The following PDE5A variants were observed in gnomAD, a reference collection of about 807,000 sequenced individuals.
PDE5A encodes cGMP-specific 3',5'-cyclic phosphodiesterase.
A neutral mutation model predicts 110.2 loss-of-function variants in PDE5A; 67 were observed. The ratio of observed to expected loss-of-function variants is 0.61; its 90% CI spans 0.50 to 0.75. PDE5A has a LOEUF of 0.75. Among genes scored for constraint, PDE5A ranks in the 30% least tolerant of loss-of-function variants. PDE5A has a pLI of 0.00. For synonymous variants in PDE5A, 328 were observed against 351.2 expected, an observed-to-expected ratio of 0.93 and a Z score of 0.74; for missense variants, 862 against 1,045.1, an observed-to-expected ratio of 0.82 and a Z score of 2.42.
chr4:119,556,314 T>C (rs75603231), intron 7 of PDE5A, among the ~76,000 whole-genome samples: 4,335 of 152,270 alleles, frequency 0.028, 89 homozygotes, highest in South Asian at 0.067. Flanking sequence ...AGACAGGTGA[T>C]ACATGCTGTC....
Position 119,525,604 on chromosome 4 carries a change from G to A in PDE5A, c.1724C>T (p.Thr575Ile). ...GTTGAGGTCAGTAAACATCCGAATT[G>A]TACACAGTGCTGTTTCCAGATCAGA... ...ELSDLETALC[T>I]IRMFTDLNLV... Residue 575 changes from threonine to isoleucine, a missense_variant, in exon 12 of 21, where the codon ACA (threonine) becomes ATA (isoleucine). By Grantham distance (89) the Thr-to-Ile change is moderately conservative. Transcript: ENST00000354960. The surrounding 1 kb of genome is among the most constrained non-coding windows in gnomAD (Gnocchi z 4.3). 3 of 1,613,180 alleles carry A rather than the reference G, an allele frequency of 1.9e-6. No homozygotes were observed. The highest frequency in any genetic ancestry group is 2.5e-6 in the Non-Finnish European group (3 of 1,179,454).
At chr4:119,621,022 C>T (rs1014047423) in intron 1 of PDE5A, among the ~76,000 whole-genome samples, 3 of 152,114 alleles carry the variant, frequency 2.0e-5, no homozygotes, top group Non-Finnish European at 2.9e-5. Context: ...TTAATGAATG[C>T]TGTAAATCTG....
chr4:119,500,029 T>C (rs939782523), intron 20 of PDE5A: 3 of 152,104 alleles, frequency 2.0e-5, no homozygotes, highest in Non-Finnish European at 2.9e-5. Context: ...ATTACTATGT[T>C]GACTGTATTT....
chr4:119,502,015 A>C (rs1332468796), intron 19 of PDE5A, among the ~76,000 whole-genome samples: 1 of 152,160 alleles, frequency 6.6e-6, no homozygotes, highest in African/African-American at 2.4e-5. Flanking sequence ...ACAAAGGAGT[A>C]AACAAGTAGA....
intron 15 of PDE5A, among the ~76,000 whole-genome samples, chr4:119,509,646 C>G (rs1234256720): frequency 2.0e-5 from 3 of 151,962 alleles, no homozygotes; most frequent in South Asian, 4.1e-4. Flanking sequence ...TATACTGATA[C>G]CATTCTTCTA....
rs199588847 is a variant in PDE5A at position 119,497,213 on chromosome 4, C to A, written c.*1388G>T. 2 of 152,042 alleles carry A rather than the reference C, an allele frequency of 1.3e-5. No individual in the cohort carries two copies. The highest frequency in any genetic ancestry group is 2.9e-5 in the Non-Finnish European group (2 of 67,980). The allele number at this position is 152,042 out of a possible 1,614,324, so 9.4% of individuals were successfully genotyped here. ...TGGAGGTAGAAGTTAACAAATCAAGCAAATCTCTCCTTCTACTCTCCCCAA... is the reference window on the plus strand; with the variant it reads ...TGGAGGTAGAAGTTAACAAATCAAGAAAATCTCTCCTTCTACTCTCCCCAA... On this transcript the variant is annotated 3_prime_UTR_variant, in exon 21 of 21. Transcript: ENST00000354960.
chr4:119,538,107 T>A (rs1287681421), intron 11 of PDE5A, among the ~76,000 whole-genome samples: 1 of 152,110 alleles, frequency 6.6e-6, no homozygotes, highest in Non-Finnish European at 1.5e-5. Context: ...GGCAGTGACC[T>A]TGAGCAAGTC....
At chr4:119,585,323 T>C (rs937833532) in intron 3 of PDE5A, among the ~76,000 whole-genome samples, 16 of 151,686 alleles carry the variant, frequency 1.1e-4, no homozygotes, top group Non-Finnish European at 2.2e-4. Flanking sequence ...TTTGCCACCA[T>C]ACAAAGAGGC....
intron 11 of PDE5A, among the ~76,000 whole-genome samples, chr4:119,538,112 C>T (rs1212826833): frequency 6.6e-6 from 1 of 152,034 alleles, no homozygotes; most frequent in African/African-American, 2.4e-5. Flanking sequence ...TGACCTTGAG[C>T]AAGTCACTGG....
At chr4:119,600,434 C>T (rs1185976269) in intron 2 of PDE5A, among the ~76,000 whole-genome samples, 1 of 152,020 alleles carries the variant, frequency 6.6e-6, no homozygotes, top group Non-Finnish European at 1.5e-5. Flanking sequence ...ACAATAAGCA[C>T]ATCTAGTGCC....
rs201601701 is a variant in PDE5A, at chr4:119,505,961, T to C, written c.2190-29A>G. The C allele has an allele frequency of 3.5e-4, 454 of 1,284,072 alleles. 3 individuals carry two copies. Among genetic ancestry groups the C allele is most frequent in the Non-Finnish European group, 6.2e-5 (56 of 908,852 alleles). The allele number at this position is 1,284,072 out of a possible 1,614,324, so 79.5% of individuals were successfully genotyped here. On this transcript the variant is annotated intron_variant, in intron 16 of 20. Transcript: ENST00000354960. ...CAATGTTTAAAAAAAAATTGTTAGT[T>C]ATAATGAGTACCCAGGGTCTTATCC...
In PDE5A at chr4:119,567,091, A is replaced by G. The variant is rs1211283165; in HGVS notation, c.885T>C (p.Phe295=). The change falls in exon 4 of 21, where the codon TTT becomes TTC. Residue 295 remains phenylalanine (F), a synonymous_variant. Coordinates refer to ENST00000354960, the MANE Select transcript of PDE5A (RefSeq NM_001083.4). ...TTGGTACCTTTTCATCTTTTTCAGT[A>G]AATGTCCCACCGTTTCCTGATTTCT... ...INKKSGNGGT[F]TEKDEKDFAA... 1 of 1,613,244 alleles carries G rather than the reference A, an allele frequency of 6.2e-7. No homozygotes were observed. The highest frequency in any genetic ancestry group is 2.2e-5 in the East Asian group (1 of 44,848).
intron 1 of PDE5A, among the ~76,000 whole-genome samples, chr4:119,614,176 AT>A (rs1412876553): frequency 3.9e-5 from 6 of 152,074 alleles, no homozygotes; most frequent in East Asian, 1.9e-4. Context: ...TAAAAAAAAA[AT>A]CTAACTAAAT....
At chr4:119,503,852 A>G (rs1412483652) in intron 18 of PDE5A, among the ~76,000 whole-genome samples, 1 of 151,798 alleles carries the variant, frequency 6.6e-6, no homozygotes, top group Non-Finnish European at 1.5e-5. Flanking sequence ...AAGCCTTTGT[A>G]TGTCCAATTA....
At chr4:119,549,260 C>G (rs1305436785) in intron 9 of PDE5A, 1 of 152,126 alleles carries the variant, frequency 6.6e-6, no homozygotes, top group African/African-American at 2.4e-5. Flanking sequence ...TAGAAAGGAA[C>G]TAAAATAAGG....
At chr4:119,564,664 G>GA (rs1344545959) in intron 5 of PDE5A, among the ~76,000 whole-genome samples, 1 of 151,902 alleles carries the variant, frequency 6.6e-6, no homozygotes, top group African/African-American at 2.4e-5. Context: ...AGAGTTCAAG[G>GA]AAAAAAATTC....
intron 1 of PDE5A, among the ~76,000 whole-genome samples, chr4:119,619,577 TAAA>T (rs1473249280): frequency 6.6e-6 from 1 of 152,152 alleles, no homozygotes; most frequent in Non-Finnish European, 1.5e-5. Flanking sequence ...AAAATTCATC[TAAA>T]AAATGAAAAT....
chr4:119,538,626 AC>A (rs1382647992), intron 11 of PDE5A, among the ~76,000 whole-genome samples: 1 of 152,126 alleles, frequency 6.6e-6, no homozygotes, highest in Non-Finnish European at 1.5e-5. Flanking sequence ...TCAGTAACAA[AC>A]TATAAATTGT....
chr4:119,534,412 T>C (rs1421186976), intron 11 of PDE5A, among the ~76,000 whole-genome samples: 1 of 152,010 alleles, frequency 6.6e-6, no homozygotes, highest in African/African-American at 2.4e-5. Context: ...GGGATCTCGG[T>C]TGCATGCTCC....
Sources: allele counts gnomAD v4.1 joint callset (sites outside exome capture counted in the v4.1 genomes callset), GRCh38; gene constraint gnomAD v4.1.1; non-coding constraint Gnocchi (gnomAD v3.1); transcripts MANE v1.5; gene names NCBI Gene and HGNC (gene_info 2026-07-23, HGNC 2026-07-21).